Variants in RPA1 observed in about 807,000 individuals in gnomAD.
RPA1 encodes replication protein A1.
In RPA1, 49 loss-of-function variants were observed where a neutral mutation model predicts 83.0. The ratio of observed to expected loss-of-function variants is 0.59; its 90% CI spans 0.47 to 0.75. The LOEUF is 0.75. Ranked by LOEUF, RPA1 falls within the 30% of genes least tolerant of loss-of-function variation. The pLI is 0.00. For missense variants in RPA1, 693 were observed against 776.1 expected, an observed-to-expected ratio of 0.89 and a Z score of 1.27; for synonymous variants, 279 against 281.8, an observed-to-expected ratio of 0.99 and a Z score of 0.10.
intron 5 of RPA1, among the ~76,000 whole-genome samples, chr17:1,855,333 G>T (rs1442816193): frequency 1.5e-5 from 1 of 66,546 alleles, no homozygotes; most frequent in African/African-American, 4.3e-5. Context: ...GGCTAAAATT[G>T]TGTGTGTGTG....
At chr17:1,842,032 CT>C (rs976693051) in intron 1 of RPA1, among the ~76,000 whole-genome samples, 3 of 151,696 alleles carry the variant, frequency 2.0e-5, no homozygotes, top group Non-Finnish European at 4.4e-5. Flanking sequence ...GTTGAAGATT[CT>C]TTTTTTTAAA....
intron 3 of RPA1, 87 bp downstream of exon 3, chr17:1,844,085 A>G (rs1490260526): frequency 5.2e-6 from 6 of 1,153,994 alleles, no homozygotes; most frequent in African/African-American, 3.1e-5. Flanking sequence ...ATTTGGGGGC[A>G]TTCGTGAAGT....
chr17:1,839,278 T>A (rs1016603796), intron 1 of RPA1, among the ~76,000 whole-genome samples: 2 of 152,216 alleles, frequency 1.3e-5, no homozygotes, highest in African/African-American at 4.8e-5. Flanking sequence ...AGATTTATAG[T>A]AAATCTTGAA....
intron 9 of RPA1, 60 bp from the exon 10 acceptor site, chr17:1,879,155 T>C: frequency 3.1e-6 from 5 of 1,609,086 alleles, no homozygotes; most frequent in Non-Finnish European, 4.3e-6. Context: ...GGTGGCAGAC[T>C]AGGGGTTTCT....
intron 15 of RPA1, among the ~76,000 whole-genome samples, chr17:1,892,294 C>T (rs1359235768): frequency 2.6e-5 from 4 of 152,152 alleles, no homozygotes; most frequent in African/African-American, 9.7e-5. Context: ...TGTGAGCCAC[C>T]ACACCTTGCC....
chr17:1,872,666 C>A lies in RPA1; in HGVS notation c.454+140C>A, dbSNP rs1913417421. ...TGTCTTGGAAAGAATAATTCTGATTCATATTTTAGAGTATGTGATTGAAAA... is the reference window on the plus strand; with the variant it reads ...TGTCTTGGAAAGAATAATTCTGATTAATATTTTAGAGTATGTGATTGAAAA... On this transcript the variant is annotated intron_variant, in intron 6 of 16. Coordinates refer to ENST00000254719, the MANE Select transcript of RPA1 (RefSeq NM_002945.5). 1.6e-4 allele frequency: 130 copies of A among 834,778 alleles called. 1 individual carries two copies. The highest frequency in any genetic ancestry group is 2.1e-4 in the Non-Finnish European group (119 of 570,116). 51.7% of individuals were successfully genotyped at this position (834,778 alleles called of 1,614,324 possible). A position where few individuals can be genotyped will look rare whatever the true frequency, so the allele number is the denominator to read the frequency against.
At chr17:1,865,377 T>C in intron 5 of RPA1, among the ~76,000 whole-genome samples, 1 of 152,224 alleles carries the variant, frequency 6.6e-6, no homozygotes, top group East Asian at 1.9e-4. Context: ...ACTGCGGGAA[T>C]GTTATATACA....
chr17:1,879,316 G>A lies in RPA1; in HGVS notation c.861G>A (p.Met287Ile). 6.2e-7 allele frequency: 1 copy of A among 1,614,190 alleles called. No homozygotes were observed. Among genetic ancestry groups the A allele is most frequent in the Non-Finnish European group, 8.5e-7 (1 of 1,180,030 alleles). The change falls in exon 10 of 17, where the codon ATG (methionine) becomes ATA (isoleucine). Residue 287 changes from methionine to isoleucine, a missense_variant. Coordinates refer to ENST00000254719, the MANE Select transcript of RPA1 (RefSeq NM_002945.5). ...CCTTCAATAACGAGACTTCCGTCAT[G>A]CCCTGTGAGGACGACCATCATTTAC... The part of the protein sequence containing the change: ...EMTFNNETSV[M>I]PCEDDHHLPT...
chr17:1,847,680 C>T (rs951546822), intron 4 of RPA1, among the ~76,000 whole-genome samples: 13 of 152,058 alleles, frequency 8.5e-5, no homozygotes, highest in African/African-American at 1.9e-4. Context: ...GTGGGGTCAA[C>T]GGACATCTGT....
At chr17:1,839,089 G>A (rs1481936116) in intron 1 of RPA1, among the ~76,000 whole-genome samples, 3 of 151,928 alleles carry the variant, frequency 2.0e-5, no homozygotes, top group East Asian at 1.9e-4. Context: ...TCCTGACCTC[G>A]TCGTGATCCA....
At chr17:1,847,229 C>G (rs1001521164) in intron 4 of RPA1, among the ~76,000 whole-genome samples, 1 of 152,246 alleles carries the variant, frequency 6.6e-6, no homozygotes, top group Non-Finnish European at 1.5e-5. Flanking sequence ...TTTGCTCTGA[C>G]ATAGTCTAGG....
Position 1,891,858 on chromosome 17 carries a change from A to G in RPA1, c.1577A>G (p.Asn526Ser). 1.2e-6 allele frequency: 2 copies of G among 1,603,098 alleles called. No homozygotes were observed. Among genetic ancestry groups the G allele is most frequent in the Non-Finnish European group, 1.7e-6 (2 of 1,171,412 alleles). ...LSVNIADFQE[N>S]QWVTCFQESA... ...GTAAATATTGCAGATTTTCAAGAGA[A>G]TCAGTGGGTGACTTGTTTCCAGGAG... Residue 526 changes from asparagine to serine, a missense_variant, in exon 15 of 17, where the codon AAT (asparagine) becomes AGT (serine). By Grantham distance (46) the Asn-to-Ser change is conservative. Transcript: ENST00000254719.
At chr17:1,857,267 C>CTTTTTTTT (rs35514214) in intron 5 of RPA1, among the ~76,000 whole-genome samples, 1 of 134,838 alleles carries the variant, frequency 7.4e-6, no homozygotes, top group African/African-American at 2.7e-5. Context: ...TTTTCTTTTT[C>CTTTTTTTT]TTTTTTTTTT....
intron 1 of RPA1, among the ~76,000 whole-genome samples, chr17:1,833,824 A>T (rs1911710310): frequency 6.6e-6 from 1 of 152,014 alleles, no homozygotes; most frequent in Non-Finnish European, 1.5e-5. Context: ...ATTGCACTCC[A>T]GCAACAAGAG....
chr17:1,879,837 G>C, intron 11 of RPA1, 138 bp downstream of exon 11: 1 of 1,094,114 alleles, frequency 9.1e-7, no homozygotes, highest in Non-Finnish European at 1.3e-6. Context: ...TATCCTATAG[G>C]ATGGGGCCTT....
At chr17:1,830,871 G>C (rs918418019) in intron 1 of RPA1, among the ~76,000 whole-genome samples, 2 of 151,850 alleles carry the variant, frequency 1.3e-5, no homozygotes, top group South Asian at 4.1e-4. Flanking sequence ...GTGCAAGTGA[G>C]TCTCCTGTCT....
At chr17:1,841,796 A>G (rs1912056158) in intron 1 of RPA1, among the ~76,000 whole-genome samples, 1 of 152,134 alleles carries the variant, frequency 6.6e-6, no homozygotes, top group Admixed American at 6.6e-5. Flanking sequence ...CAGTTTAAGC[A>G]TTACTTCTAT....
chr17:1,881,580 C>T (rs1003060263), intron 12 of RPA1, among the ~76,000 whole-genome samples: 9 of 152,162 alleles, frequency 5.9e-5, no homozygotes, highest in Non-Finnish European at 1.0e-4. Flanking sequence ...CCAGAACTAG[C>T]CACAGATTTG....
At chr17:1,876,747 C>A (rs1177346487) in intron 7 of RPA1, among the ~76,000 whole-genome samples, 1 of 152,162 alleles carries the variant, frequency 6.6e-6, no homozygotes, top group Non-Finnish European at 1.5e-5. Flanking sequence ...TCTCTAAGGT[C>A]ATGCTGCTTC....
Sources: allele counts gnomAD v4.1 joint callset (sites outside exome capture counted in the v4.1 genomes callset), GRCh38; gene constraint gnomAD v4.1.1; transcripts MANE v1.5; gene names NCBI Gene and HGNC (gene_info 2026-07-23, HGNC 2026-07-21).